MREG: variants seen among roughly 807,000 people sequenced by gnomAD.
MREG encodes melanoregulin, also known as dilute suppressor protein homolog.
A neutral mutation model predicts 28.5 loss-of-function variants in MREG; 31 were observed. That is an observed-to-expected ratio of 1.09 (90% CI 0.82 to 1.47). The LOEUF (loss-of-function observed/expected upper bound fraction) is 1.47, where lower values mean the gene tolerates loss of function less well. Ranked by LOEUF, MREG falls within the 40% of genes most tolerant of loss-of-function variation. The pLI is 0.00. For missense variants in MREG, 256 were observed against 257.4 expected (o/e 0.99, Z 0.04); for synonymous variants, 106 against 95.2 (o/e 1.11, Z -0.66).
At chr2:216,000,489 C>T (rs1032192383) in intron 1 of MREG, among the ~76,000 whole-genome samples, 5 of 152,178 alleles carry the variant, frequency 3.3e-5, no homozygotes, top group Non-Finnish European at 5.9e-5. Context: ...GCAACCATGG[C>T]TTCCAACATC....
At chr2:216,025,500 A>C (rs1694582153) in intron 1 of MREG, among the ~76,000 whole-genome samples, 1 of 152,244 alleles carries the variant, frequency 6.6e-6, no homozygotes, top group Admixed American at 6.5e-5. Flanking sequence ...AAAGAAGGGC[A>C]CAAAGGAACT....
At chr2:216,031,450 AG>A (rs1442040504) in intron 1 of MREG, among the ~76,000 whole-genome samples, 5 of 141,900 alleles carry the variant, frequency 3.5e-5, no homozygotes, top group Non-Finnish European at 7.5e-5. Context: ...AGAAAAAGAA[AG>A]AAAGAGAGAA....
upstream of MREG, among the ~76,000 whole-genome samples, chr2:216,016,487 T>A (rs1243845641): frequency 6.6e-6 from 1 of 152,236 alleles, no homozygotes; most frequent in Non-Finnish European, 1.5e-5. Context: ...ATTCAGCTCC[T>A]GGAAAATATA....
At chr2:216,014,605 C>T (rs1334253898), upstream of MREG, among the ~76,000 whole-genome samples, 1 of 151,002 alleles carries the variant, frequency 6.6e-6, no homozygotes, top group Non-Finnish European at 1.5e-5. Flanking sequence ...GCCGAGATCA[C>T]GCCACTGCAC....
At chr2:216,016,613 G>A (rs987667078), upstream of MREG, among the ~76,000 whole-genome samples, 4 of 152,216 alleles carry the variant, frequency 2.6e-5, no homozygotes, top group Admixed American at 1.3e-4. Context: ...TAACACAGTT[G>A]TGAGACTCAA....
chr2:215,993,266 A>G (rs1314542868), intron 2 of MREG, among the ~76,000 whole-genome samples: 3 of 152,228 alleles, frequency 2.0e-5, no homozygotes, highest in African/African-American at 7.2e-5. Flanking sequence ...AAGTAACGCC[A>G]CACATCTAAA....
At chr2:215,962,712 C>T (rs1692823151) in intron 2 of MREG, among the ~76,000 whole-genome samples, 1 of 151,078 alleles carries the variant, frequency 6.6e-6, no homozygotes, top group Non-Finnish European at 1.5e-5. Context: ...TCTTGCTATC[C>T]CTCCACATCC....
chr2:215,991,843 C>A (rs543186490), intron 2 of MREG, among the ~76,000 whole-genome samples: 1 of 152,238 alleles, frequency 6.6e-6, no homozygotes, highest in African/African-American at 2.4e-5. Flanking sequence ...AAGACTAAAC[C>A]AGGAGGAATT....
rs1365140440 is a variant in MREG, at chr2:216,024,946, AGGAAG to A, written c.-68+7838_-68+7842del. ...AAAAAAGGAACGGAAAGGAAGGGAA[AGGAAG>A]GGAAAGGAAAGGAAAGGAAAGGAAA... On this transcript the variant is annotated intron_variant, in intron 1 of 3. Coordinates refer to the MREG transcript ENST00000420348. 1.1e-4 allele frequency among the ~76,000 whole-genome samples: 15 copies of A among 142,042 alleles called. No individual in the cohort carries two copies. The South Asian group carries it at 1.5e-3, about 14-fold the overall frequency. 93.2% of individuals were successfully genotyped at this position (142,042 alleles called of 152,430 possible).
At chr2:216,000,694 G>A (rs1287093478) in intron 1 of MREG, among the ~76,000 whole-genome samples, 1 of 152,130 alleles carries the variant, frequency 6.6e-6, no homozygotes, top group Non-Finnish European at 1.5e-5. Context: ...CAGGGTCCTA[G>A]GACACAGCAG....
intron 1 of MREG, among the ~76,000 whole-genome samples, chr2:216,028,459 C>T (rs574355189): frequency 3.6e-5 from 5 of 139,844 alleles, no homozygotes; most frequent in South Asian, 2.4e-4. Flanking sequence ...ACCCGGGAGG[C>T]GGAGCTTGCA....
At chr2:215,990,325 C>A (rs1022205854) in intron 2 of MREG, among the ~76,000 whole-genome samples, 1 of 152,112 alleles carries the variant, frequency 6.6e-6, no homozygotes, top group African/African-American at 2.4e-5. Flanking sequence ...GAAATACAAC[C>A]CTGTACAGAC....
At chr2:216,010,956 C>T (rs932172575) in intron 1 of MREG, among the ~76,000 whole-genome samples, 4 of 151,506 alleles carry the variant, frequency 2.6e-5, no homozygotes, top group South Asian at 2.1e-4. Flanking sequence ...ATTAGCCGGG[C>T]GCAGTGGCCG....
chr2:216,008,627 A>G (rs1017811133), intron 1 of MREG, among the ~76,000 whole-genome samples: 6 of 152,290 alleles, frequency 3.9e-5, no homozygotes, highest in Admixed American at 2.6e-4. Flanking sequence ...TTATTTTTCT[A>G]CAGTGCCTGA....
chr2:215,967,632 T>G (rs1383861491), intron 2 of MREG, among the ~76,000 whole-genome samples: 1 of 152,170 alleles, frequency 6.6e-6, no homozygotes, highest in East Asian at 1.9e-4. Context: ...ACACAGTCAT[T>G]TGCGCCAAGC....
chr2:216,028,253 C>A (rs1397772300), intron 1 of MREG, among the ~76,000 whole-genome samples: 3 of 152,106 alleles, frequency 2.0e-5, no homozygotes, highest in Non-Finnish European at 4.4e-5. Flanking sequence ...CGGTGGCTCA[C>A]GCCTGTAATC....
intron 1 of MREG, among the ~76,000 whole-genome samples, chr2:216,030,910 G>A (rs966451401): frequency 1.4e-5 from 2 of 145,320 alleles, no homozygotes; most frequent in Non-Finnish European, 3.0e-5. Flanking sequence ...GAACACACAA[G>A]CCCACTATGA....
intron 1 of MREG, among the ~76,000 whole-genome samples, chr2:216,027,402 C>T (rs757508812): frequency 6.6e-6 from 1 of 152,088 alleles, no homozygotes; most frequent in Non-Finnish European, 1.5e-5. Context: ...GTCTAAAAGC[C>T]ACAAGGTACC....
intron 2 of MREG, among the ~76,000 whole-genome samples, chr2:215,975,998 G>A (rs1367747399): frequency 1.3e-5 from 2 of 152,042 alleles, no homozygotes; most frequent in African/African-American, 2.4e-5. Context: ...GTGGTATGGG[G>A]GAGCTGGGCT....
Sources: allele counts gnomAD v4.1 joint callset (sites outside exome capture counted in the v4.1 genomes callset), GRCh38; gene constraint gnomAD v4.1.1; transcripts MANE v1.5; gene names NCBI Gene and HGNC (gene_info 2026-07-23, HGNC 2026-07-21).